Variants in BIN1 observed in about 807,000 individuals in gnomAD.
BIN1 encodes the protein myc box-dependent-interacting protein 1.
Under a neutral mutation model 82.0 loss-of-function variants are expected in BIN1, and 53 were observed. The observed-to-expected ratio is 0.65, with a 90% CI of 0.52 to 0.81. The LOEUF (loss-of-function observed/expected upper bound fraction) is 0.81. Ranked by LOEUF, BIN1 falls within the 40% of genes least tolerant of loss-of-function variation. The pLI, the probability that BIN1 is intolerant of heterozygous loss-of-function variation, is 0.00. For missense variants in BIN1, 642 were observed against 784.4 expected (o/e 0.82, Z 2.17); for synonymous variants, 302 against 328.0 (o/e 0.92, Z 0.86).
chr2:127,075,560 G>A (rs925156666), intron 2 of BIN1, among the ~76,000 whole-genome samples: 9 of 152,166 alleles, frequency 5.9e-5, no homozygotes, highest in Non-Finnish European at 1.3e-4. Context: ...ATCAGCTAAG[G>A]GGGCTCCCCA....
At chr2:127,101,511 TTGG>T (rs1680347250) in intron 1 of BIN1, among the ~76,000 whole-genome samples, 1 of 152,152 alleles carries the variant, frequency 6.6e-6, no homozygotes, top group Non-Finnish European at 1.5e-5. Flanking sequence ...GCCACTATAC[TTGG>T]TGGTTTCTTC....
At position 127,048,279 on chromosome 2, in the gene BIN1, C is replaced by A. The variant is rs1334404831; in HGVS notation, c.*247G>T. On this transcript the variant is annotated 3_prime_UTR_variant, in exon 19 of 19. Coordinates refer to ENST00000316724, the MANE Select transcript of BIN1 (RefSeq NM_139343.3). Reference sequence around the variant, plus strand: ...GCACACATGCGGGCACAGGCAGGGGCGCCAGAAACTCAACTAGAGGACACA... The same window carrying A: ...GCACACATGCGGGCACAGGCAGGGGAGCCAGAAACTCAACTAGAGGACACA... 4.0e-5 allele frequency: 20 copies of A among 501,766 alleles called. No homozygotes were observed. The highest frequency in any genetic ancestry group is 3.9e-4 in the Admixed American group (12 of 30,720). 31.1% of individuals were successfully genotyped at this position (501,766 alleles called of 1,614,324 possible). A position where few individuals can be genotyped will look rare whatever the true frequency, so the allele number is the denominator to read the frequency against.
rs1687440843 is a variant in BIN1 at position 127,082,615 on chromosome 2, CA to C, written c.85-5910del. Among the ~76,000 whole-genome samples, 1 of 152,174 alleles carries C rather than the reference CA, an allele frequency of 6.6e-6. No individual in the cohort carries two copies. Among genetic ancestry groups the C allele is most frequent in the African/African-American group, 2.4e-5 (1 of 41,422 alleles). On this transcript the variant is annotated intron_variant, in intron 1 of 18. Transcript: ENST00000316724. The surrounding 1 kb of genome is among the most constrained non-coding windows in gnomAD (Gnocchi z 6.1). ...GGGTACAATGGGAGTCTTAAACCCC[CA>C]GGGGCAGAGGGAGCCAGTCTGAGGA...
In BIN1 at chr2:127,072,038, G is replaced by A. The variant is rs115175917; in HGVS notation, c.166-1222C>T. ...CCTCCCCTGCCTGCTGCCAGCCCAA[G>A]CCTCAGGGACACCCATGTTCCAGTC... On this transcript the variant is annotated intron_variant, in intron 2 of 18. Transcript: ENST00000316724. 8.9e-3 allele frequency among the ~76,000 whole-genome samples: 1,360 copies of A among 152,354 alleles called. 17 individuals are homozygous for A. Among genetic ancestry groups the A allele is most frequent in the African/African-American group, 0.031 (1,308 of 41,576 alleles).
chr2:127,052,452 G>A (rs1683086550), intron 14 of BIN1, 90 bp from the exon 15 acceptor site: 3 of 1,281,586 alleles, frequency 2.3e-6, no homozygotes, highest in Admixed American at 2.1e-5. Flanking sequence ...AAGAGAAAAT[G>A]TCACCAGCGG....
intron 1 of BIN1, among the ~76,000 whole-genome samples, chr2:127,098,883 G>A (rs1047646018): frequency 6.6e-6 from 1 of 152,206 alleles, no homozygotes; most frequent in Non-Finnish European, 1.5e-5. Context: ...CTGGGCCTGG[G>A]CCAATCACAA....
chr2:127,053,788 C>G, intron 13 of BIN1, 117 bp downstream of exon 13: 1 of 1,008,478 alleles, frequency 9.9e-7, no homozygotes, highest in Non-Finnish European at 1.5e-6. Context: ...GCTGAGGTGC[C>G]AGGGGAAGGG....
At chr2:127,098,607 G>C (rs1008696723) in intron 1 of BIN1, among the ~76,000 whole-genome samples, 1 of 151,438 alleles carries the variant, frequency 6.6e-6, no homozygotes, top group Non-Finnish European at 1.5e-5. Context: ...ACCTGCTGTC[G>C]CACTTGGGAT....
chr2:127,052,394 G>T (rs755151369), intron 14 of BIN1, 32 bp from the exon 15 acceptor site: 7 of 1,549,630 alleles, frequency 4.5e-6, no homozygotes, highest in Non-Finnish European at 6.1e-6. Flanking sequence ...AGAACAGGGA[G>T]GGGGCGGGGA....
chr2:127,053,238 G>T, intron 14 of BIN1, 184 bp downstream of exon 14: 1 of 810,518 alleles, frequency 1.2e-6, no homozygotes, highest in Non-Finnish European at 2.1e-6. Context: ...GGGAGAAGCA[G>T]CAGAATGGCT....
At chr2:127,052,520 C>T in intron 14 of BIN1, 158 bp from the exon 15 acceptor site, 2 of 648,048 alleles carry the variant, frequency 3.1e-6, no homozygotes, top group South Asian at 3.6e-5. Context: ...ACCCGCCTCC[C>T]ACATCCTCTC....
rs114576697 is a variant in BIN1 at position 127,088,629 on chromosome 2, T to C, written c.85-11923A>G. On this transcript the variant is annotated intron_variant, in intron 1 of 18. Transcript: ENST00000316724. The stretch of plus-strand genomic sequence containing the variant: ...GGTGTGCACCTATAGTCCTAGCTAC[T>C]GGGGAGGCTAGGGCAGGAGGATGCC... 4.0e-3 allele frequency among the ~76,000 whole-genome samples: 604 copies of C among 151,820 alleles called. 6 individuals carry two copies. Among genetic ancestry groups the C allele is most frequent in the African/African-American group, 0.014 (583 of 41,362 alleles).
chr2:127,052,222 C>T (rs1212747912), intron 15 of BIN1, 33 bp downstream of exon 15: 1 of 1,547,338 alleles, frequency 6.5e-7, no homozygotes, highest in Non-Finnish European at 8.8e-7. Context: ...AGACTGGGGA[C>T]AAGCCAGACA....
At chr2:127,052,407 C>A in intron 14 of BIN1, 45 bp from the exon 15 acceptor site, 1 of 1,522,262 alleles carries the variant, frequency 6.6e-7, no homozygotes, top group Non-Finnish European at 8.9e-7. Flanking sequence ...GGCGGGGAGG[C>A]CGGGGTGGAA....
chr2:127,054,268 C>T, intron 12 of BIN1: 1 of 529,622 alleles, frequency 1.9e-6, no homozygotes, highest in Non-Finnish European at 3.4e-6. Flanking sequence ...GGAGGACGAC[C>T]CCAGTGCCCG....
intron 10 of BIN1, among the ~76,000 whole-genome samples, chr2:127,061,498 T>C (rs556440833): frequency 6.6e-6 from 1 of 152,212 alleles, no homozygotes; most frequent in South Asian, 2.1e-4. Context: ...CATGCACACA[T>C]GGCCAGAAGG....
At chr2:127,053,278 G>A (rs1683197043) in intron 14 of BIN1, 144 bp downstream of exon 14, 9 of 1,226,584 alleles carry the variant, frequency 7.3e-6, no homozygotes, top group African/African-American at 6.0e-5. Context: ...AGCTCCCTGT[G>A]CGTGAGCACG....
intron 1 of BIN1, among the ~76,000 whole-genome samples, chr2:127,094,640 A>G (rs1339525764): frequency 6.6e-6 from 1 of 152,216 alleles, no homozygotes; most frequent in Non-Finnish European, 1.5e-5. Flanking sequence ...AGGCCTCCCT[A>G]GTCTCTCGCA....
At chr2:127,064,261 G>A (rs560084511) in intron 7 of BIN1, among the ~76,000 whole-genome samples, 11 of 152,346 alleles carry the variant, frequency 7.2e-5, no homozygotes, top group Middle Eastern at 6.8e-3. Context: ...AGAGGCCCAC[G>A]TGGCCGGGAG....
Sources: allele counts gnomAD v4.1 joint callset (sites outside exome capture counted in the v4.1 genomes callset), GRCh38; gene constraint gnomAD v4.1.1; non-coding constraint Gnocchi (gnomAD v3.1); transcripts MANE v1.5; gene names NCBI Gene and HGNC (gene_info 2026-07-23, HGNC 2026-07-21).